Variants in NINL observed in about 807,000 individuals in gnomAD.
NINL encodes ninein like, also known as ninein-like protein.
In NINL, 153 loss-of-function variants were observed where a neutral mutation model predicts 160.3. The ratio of observed to expected loss-of-function variants is 0.95; its 90% CI spans 0.84 to 1.09. The LOEUF (loss-of-function observed/expected upper bound fraction) is 1.09. Among genes scored for constraint, NINL ranks in the 50% least tolerant of loss-of-function variants. The pLI is 0.00. For synonymous variants in NINL, 800 were observed against 734.8 expected, an observed-to-expected ratio of 1.09 and a Z score of -1.43; for missense variants, 1,829 against 1,764.0, an observed-to-expected ratio of 1.04 and a Z score of -0.66.
chr20:25,457,747 A>G (rs1047311270), intron 22 of NINL, among the ~76,000 whole-genome samples: 2 of 152,152 alleles, frequency 1.3e-5, no homozygotes, highest in African/African-American at 4.8e-5. Flanking sequence ...GGAGTGAGTT[A>G]TTCTCTCAGA....
At chr20:25,468,666 GTGCCCCTCTGCCCTGTCCCCTGT>G (rs2062990040) in intron 18 of NINL, among the ~76,000 whole-genome samples, 1 of 142,556 alleles carries the variant, frequency 7.0e-6, no homozygotes, top group African/African-American at 2.7e-5. Flanking sequence ...TCACTGGTGG[GTGCCCCTCTGCCCTGTCCCCTGT>G]CACTGGTGGG....
At chr20:25,549,639 G>A (rs752143675) in intron 1 of NINL, among the ~76,000 whole-genome samples, 1 of 152,182 alleles carries the variant, frequency 6.6e-6, no homozygotes, top group African/African-American at 2.4e-5. Flanking sequence ...CATCATGCAC[G>A]AGTGGAACTA....
chr20:25,481,942 G>GC, intron 14 of NINL, 26 bp downstream of exon 14: 1 of 1,591,282 alleles, frequency 6.3e-7, no homozygotes, highest in Non-Finnish European at 8.5e-7. Context: ...CCTTGGGTCA[G>GC]CCCCCTCCCA....
chr20:25,488,861 TG>T (rs796897228), intron 13 of NINL: 6 of 184,466 alleles, frequency 3.3e-5, no homozygotes, highest in African/African-American at 1.4e-4. Flanking sequence ...AAAAGCTCTT[TG>T]GGGTCCTTGA....
intron 17 of NINL, among the ~76,000 whole-genome samples, chr20:25,475,675 C>T (rs2063215212): frequency 6.6e-6 from 1 of 152,194 alleles, no homozygotes; most frequent in Non-Finnish European, 1.5e-5. Context: ...GCCTGGCTAA[C>T]ATGGTGAAAC....
At chr20:25,564,704 C>T (rs2064981380) in intron 1 of NINL, among the ~76,000 whole-genome samples, 2 of 151,782 alleles carry the variant, frequency 1.3e-5, no homozygotes, top group African/African-American at 4.8e-5. Flanking sequence ...CCACCTGCCT[C>T]AGCCTCCCAA....
chr20:25,526,330 CTGATATTTATCAAA>C (rs1389789660), intron 2 of NINL, 64 bp downstream of exon 2: 12 of 1,278,118 alleles, frequency 9.4e-6, no homozygotes, highest in African/African-American at 1.5e-5. Flanking sequence ...CCTTATTCAG[CTGATATTTATCAAA>C]TGCCCATAAG....
At position 25,476,207 on chromosome 20, in the gene NINL, G is replaced by A. The variant is rs2146508690; in HGVS notation, c.3084C>T (p.Leu1028=). The change falls in exon 17 of 24, where the codon CTC becomes CTT. Residue 1028 remains leucine, a synonymous_variant. Transcript: ENST00000278886. ...RRGSLPSHLQ[L]ADPQGSWQEQ... is the part of the protein sequence containing the mutation. ...CCTGCCAGGAACCCTGCGGGTCTGCGAGCTGGAGGTGGGATGGCAAGGACC... is the reference window on the plus strand; with the variant it reads ...CCTGCCAGGAACCCTGCGGGTCTGCAAGCTGGAGGTGGGATGGCAAGGACC... 7 of 1,614,128 alleles carry A rather than the reference G, an allele frequency of 4.3e-6. No individual in the cohort carries two copies. Among genetic ancestry groups the A allele is most frequent in the South Asian group, 1.1e-5 (1 of 91,084 alleles).
chr20:25,489,464 C>G (rs1048654508), intron 12 of NINL, 140 bp from the exon 13 acceptor site: 28 of 692,208 alleles, frequency 4.0e-5, no homozygotes, highest in Middle Eastern at 3.4e-4. Context: ...CGCCATCCCC[C>G]CTCCTTCTCC....
chr20:25,514,024 T>C (rs2064120320), intron 3 of NINL, among the ~76,000 whole-genome samples: 1 of 152,196 alleles, frequency 6.6e-6, no homozygotes, highest in African/African-American at 2.4e-5. Context: ...GAAACAGCTT[T>C]GGAATTGGAT....
chr20:25,569,764 C>T (rs2065033967), intron 1 of NINL, among the ~76,000 whole-genome samples: 1 of 152,180 alleles, frequency 6.6e-6, no homozygotes, highest in Admixed American at 6.5e-5. Context: ...AAGAGCAGTC[C>T]TTCCTGAATG....
At chr20:25,549,380 G>T (rs1174784848) in intron 1 of NINL, among the ~76,000 whole-genome samples, 2 of 96,654 alleles carry the variant, frequency 2.1e-5, no homozygotes, top group East Asian at 6.5e-4. Context: ...CATGGCCACA[G>T]CTCCCACACC....
chr20:25,468,397 ACT>A (rs1328305007), intron 18 of NINL, among the ~76,000 whole-genome samples: 4 of 105,208 alleles, frequency 3.8e-5, no homozygotes, highest in South Asian at 3.5e-4. Context: ...CTGTCCCCCG[ACT>A]CTCACTGGTG....
chr20:25,563,653 ATCT>A (rs760726403), intron 1 of NINL, among the ~76,000 whole-genome samples: 14 of 152,232 alleles, frequency 9.2e-5, no homozygotes, highest in African/African-American at 2.9e-4. Flanking sequence ...CCTACAAGAA[ATCT>A]TCTTCAAATA....
intron 1 of NINL, among the ~76,000 whole-genome samples, chr20:25,575,436 G>GTACTCAGTCTCAAAAAA (rs1207136154): frequency 9.8e-6 from 1 of 101,662 alleles, no homozygotes. Flanking sequence ...AACAGAGCGA[G>GTACTCAGTCTCAAAAAA]ACTCCGTCTC....
At chr20:25,564,969 T>C (rs902210201) in intron 1 of NINL, among the ~76,000 whole-genome samples, 2 of 152,096 alleles carry the variant, frequency 1.3e-5, no homozygotes, top group Non-Finnish European at 2.9e-5. Context: ...TAAAAACACA[T>C]GGCAACTGAT....
At chr20:25,561,174 T>C (rs951619361) in intron 1 of NINL, among the ~76,000 whole-genome samples, 14 of 152,282 alleles carry the variant, frequency 9.2e-5, no homozygotes, top group Non-Finnish European at 1.8e-4. Flanking sequence ...GTGCCTGCGA[T>C]TGCAGGCGCG....
rs539660035 is a variant in NINL, at chr20:25,453,716, T to A, written c.3958-74A>T. ...CTACAGATCAGCCTGCTCTCTTTTA[T>A]CCTCCCAGGTTTACGCAAACCACAG... On this transcript the variant is annotated intron_variant, in intron 23 of 23. Transcript: ENST00000278886. 3.0e-5 allele frequency: 41 copies of A among 1,380,992 alleles called. No individual in the cohort carries two copies. The East Asian group carries it at 9.5e-4, about 32-fold the overall frequency. The allele number at this position is 1,380,992 out of a possible 1,614,324, so 85.5% of individuals were successfully genotyped here. A position where few individuals can be genotyped will look rare whatever the true frequency, so the allele number is the denominator to read the frequency against.
intron 1 of NINL, among the ~76,000 whole-genome samples, chr20:25,583,737 C>T (rs965151339): frequency 6.6e-6 from 1 of 152,104 alleles, no homozygotes; most frequent in African/African-American, 2.4e-5. Context: ...ATGCCCATCA[C>T]GGATAGACTG....
Sources: gnomAD v4.1 joint callset for allele counts (sites outside exome capture counted in the v4.1 genomes callset) on GRCh38, gnomAD v4.1.1 for gene constraint, MANE v1.5 for transcripts, NCBI Gene and HGNC (gene_info 2026-07-23, HGNC 2026-07-21) for gene names.